SLC25A48: variants seen among roughly 807,000 people sequenced by gnomAD.
SLC25A48 encodes solute carrier family 25 member 48.
A neutral mutation model predicts 32.2 loss-of-function variants in SLC25A48; 29 were observed. The ratio of observed to expected loss-of-function variants is 0.90; its 90% CI spans 0.67 to 1.23. SLC25A48 has a LOEUF of 1.23. Among genes scored for constraint, SLC25A48 ranks in the 50% most tolerant of loss-of-function variants. The pLI, the probability that SLC25A48 is intolerant of heterozygous loss-of-function variation, is 0.00. For synonymous variants in SLC25A48, 164 were observed against 172.3 expected (o/e 0.95, Z 0.38); for missense variants, 399 against 422.7 (o/e 0.94, Z 0.49).
chr5:135,874,273 T>G, intron 6 of SLC25A48, 119 bp downstream of exon 6: 1 of 1,225,972 alleles, frequency 8.2e-7, no homozygotes. Flanking sequence ...CTGGTGATTA[T>G]GTATCAGGTG....
At chr5:135,684,470 T>C (rs765186327) in intron 3 of SLC25A48, among the ~76,000 whole-genome samples, 4 of 152,158 alleles carry the variant, frequency 2.6e-5, no homozygotes, top group Non-Finnish European at 4.4e-5. Context: ...GTAAACTGTA[T>C]TGCAGTCTCG....
rs990969873 is a variant in SLC25A48 at position 135,888,156 on chromosome 5, T to C, written c.*132T>C. On this transcript the variant is annotated 3_prime_UTR_variant, in exon 8 of 8. Coordinates refer to ENST00000681962, the MANE Select transcript of SLC25A48 (RefSeq NM_001349336.2). ...ATCAATTAGCAAGCGTGGGCTAGGA[T>C]GGTGCAGACACTGACGTGGCCCTTC... is the stretch of plus-strand genomic sequence containing the variant. 6.8e-7 allele frequency: 1 copy of C among 1,461,574 alleles called. No homozygotes were observed. The highest frequency in any genetic ancestry group is 1.4e-5 in the African/African-American group (1 of 70,734). The allele number at this position is 1,461,574 out of a possible 1,614,324, so 90.5% of individuals were successfully genotyped here.
intron 3 of SLC25A48, among the ~76,000 whole-genome samples, chr5:135,798,528 T>G (rs1757242404): frequency 6.8e-6 from 1 of 147,830 alleles, no homozygotes; most frequent in African/African-American, 2.5e-5. Context: ...GCTATTACTC[T>G]CAATATCGTG....
intron 4 of SLC25A48, among the ~76,000 whole-genome samples, chr5:135,822,386 A>C (rs74776271): frequency 0.013 from 1,988 of 152,324 alleles, 44 homozygotes; most frequent in East Asian, 0.085. Flanking sequence ...TGAAGGCCAA[A>C]ATTTCAAACT....
intron 1 of SLC25A48, among the ~76,000 whole-genome samples, chr5:135,611,594 C>T (rs990638591): frequency 1.3e-5 from 2 of 148,230 alleles, no homozygotes; most frequent in Admixed American, 1.3e-4. Flanking sequence ...CACCAATAAT[C>T]CCAGCTACTA....
intron 3 of SLC25A48, among the ~76,000 whole-genome samples, chr5:135,723,374 T>TCACACACACA (rs1405889111): frequency 2.0e-5 from 1 of 50,772 alleles, no homozygotes; most frequent in Non-Finnish European, 6.1e-5. Flanking sequence ...TCTCTCTCTC[T>TCACACACACA]CTCTCTCACA....
At chr5:135,686,612 CAG>C (rs1488574853) in intron 3 of SLC25A48, among the ~76,000 whole-genome samples, 1 of 152,244 alleles carries the variant, frequency 6.6e-6, no homozygotes, top group African/African-American at 2.4e-5. Flanking sequence ...GCCATGAGGG[CAG>C]GGGCACTGCG....
At chr5:135,757,349 AAC>A (rs1222274451) in intron 3 of SLC25A48, among the ~76,000 whole-genome samples, 2 of 149,722 alleles carry the variant, frequency 1.3e-5, no homozygotes, top group African/African-American at 2.4e-5. Flanking sequence ...GTCTAGTGTT[AAC>A]ACACAATAAT....
intron 3 of SLC25A48, among the ~76,000 whole-genome samples, chr5:135,794,748 T>C (rs2126636422): frequency 6.6e-6 from 1 of 151,662 alleles, no homozygotes; most frequent in South Asian, 2.1e-4. Flanking sequence ...TGTGATATTG[T>C]TCCAAATATC....
intron 3 of SLC25A48, among the ~76,000 whole-genome samples, chr5:135,712,323 T>G (rs1009256714): frequency 6.6e-5 from 10 of 152,182 alleles, no homozygotes; most frequent in African/African-American, 2.2e-4. Flanking sequence ...CCACCTCTAC[T>G]CCTATCATAA....
chr5:135,609,717 T>C (rs1270882326), intron 1 of SLC25A48: 1 of 152,232 alleles, frequency 6.6e-6, no homozygotes, highest in African/African-American at 2.4e-5. Flanking sequence ...GATTAACCCA[T>C]GTCTAAGATA....
chr5:135,684,531 T>TAA (rs1753973670), intron 3 of SLC25A48, among the ~76,000 whole-genome samples: 1 of 152,132 alleles, frequency 6.6e-6, no homozygotes, highest in Non-Finnish European at 1.5e-5. Context: ...TTCAGAGTTG[T>TAA]CCCAATTTGG....
At chr5:135,740,893 T>A (rs13170007) in intron 3 of SLC25A48, among the ~76,000 whole-genome samples, 3 of 152,082 alleles carry the variant, frequency 2.0e-5, no homozygotes, top group Non-Finnish European at 4.4e-5. Context: ...CGTGAGCCAC[T>A]GCCCCCAGCC....
intron 2 of SLC25A48, among the ~76,000 whole-genome samples, chr5:135,847,351 G>A (rs1253972570): frequency 6.6e-6 from 1 of 152,154 alleles, no homozygotes; most frequent in African/African-American, 2.4e-5. Context: ...AGCAGCCTCT[G>A]GGGTCCTGTG....
intron 3 of SLC25A48, among the ~76,000 whole-genome samples, chr5:135,691,649 A>G (rs1754145923): frequency 6.6e-6 from 1 of 152,200 alleles, no homozygotes; most frequent in African/African-American, 2.4e-5. Context: ...TACTCTATAA[A>G]TGACCTTGCT....
chr5:135,621,164 G>T (rs1752317379), intron 1 of SLC25A48, among the ~76,000 whole-genome samples: 1 of 152,200 alleles, frequency 6.6e-6, no homozygotes, highest in Admixed American at 6.5e-5. Context: ...GGATCCAAGT[G>T]CCAGCTTTAC....
intron 4 of SLC25A48, among the ~76,000 whole-genome samples, chr5:135,814,570 G>A (rs1189410349): frequency 6.6e-6 from 1 of 152,190 alleles, no homozygotes; most frequent in Admixed American, 6.5e-5. Context: ...GGTGCAGTCT[G>A]TCTGGGCAGC....
chr5:135,705,092 G>T (rs1754476419), intron 3 of SLC25A48, among the ~76,000 whole-genome samples: 1 of 152,232 alleles, frequency 6.6e-6, no homozygotes, highest in Admixed American at 6.5e-5. Context: ...CCTGACTCTT[G>T]CTTGCTAGGC....
At chr5:135,701,119 G>T (rs1303436295) in intron 3 of SLC25A48, among the ~76,000 whole-genome samples, 1 of 152,144 alleles carries the variant, frequency 6.6e-6, no homozygotes, top group African/African-American at 2.4e-5. Context: ...GTAATGGGCC[G>T]AGTAGCACCC....
Sources: allele counts gnomAD v4.1 joint callset (sites outside exome capture counted in the v4.1 genomes callset), GRCh38; gene constraint gnomAD v4.1.1; transcripts MANE v1.5; gene names NCBI Gene and HGNC (gene_info 2026-07-23, HGNC 2026-07-21).